The following USP14 variants were observed in gnomAD, a reference collection of about 807,000 sequenced individuals.
The protein encoded by USP14 is ubiquitin specific peptidase 14, also known as ubiquitin carboxyl-terminal hydrolase 14.
A neutral mutation model predicts 76.5 loss-of-function variants in USP14; 38 were observed. The observed-to-expected ratio is 0.50, with a 90% CI of 0.38 to 0.65. The LOEUF (loss-of-function observed/expected upper bound fraction) is 0.65. Ranked by LOEUF, USP14 falls within the 30% of genes least tolerant of loss-of-function variation. The pLI is 0.00. For missense variants in USP14, 467 were observed against 586.5 expected, an observed-to-expected ratio of 0.80 and a Z score of 2.10; for synonymous variants, 192 against 191.7, an observed-to-expected ratio of 1.00 and a Z score of -0.01.
chr18:160,074 C>T (rs375565080), intron 1 of USP14, among the ~76,000 whole-genome samples: 3 of 152,136 alleles, frequency 2.0e-5, no homozygotes, highest in Admixed American at 1.3e-4. Flanking sequence ...AGGCTCGAGG[C>T]GGGCGGATCA....
rs1318112205 is a variant in USP14, at chr18:202,957, A to C, written c.942+12A>C. 1.9e-6 allele frequency: 3 copies of C among 1,613,772 alleles called. No homozygotes were observed. Among genetic ancestry groups the C allele is most frequent in the Non-Finnish European group, 2.5e-6 (3 of 1,179,814 alleles). ...TGTATATCAAATCTGTAAGTTATGC[A>C]GTCCTTTCGAAGCCAAATTCCGCTT... is the stretch of plus-strand genomic sequence containing the variant. On this transcript the variant is annotated intron_variant, in intron 11 of 15. Coordinates refer to ENST00000261601, the MANE Select transcript of USP14 (RefSeq NM_005151.4).
At chr18:167,943 T>TC in intron 3 of USP14, among the ~76,000 whole-genome samples, 1 of 149,312 alleles carries the variant, frequency 6.7e-6, no homozygotes, top group East Asian at 1.9e-4. Flanking sequence ...TCTTTTTTTT[T>TC]TTTTTTTTTT....
rs1910786418 is a variant in USP14 at position 214,420 on chromosome 18, C to T, written c.*3136C>T. The stretch of plus-strand genomic sequence containing the variant: ...AAAATATATTTTGTGATCTTGAGGT[C>T]ACTTCGTTTAGGTCATTATCTCAAC... On this transcript the variant is annotated 3_prime_UTR_variant, in exon 16 of 16. Transcript: ENST00000261601. 2 of 501,374 alleles carry T rather than the reference C, an allele frequency of 4.0e-6. No homozygotes were observed. Among genetic ancestry groups the T allele is most frequent in the South Asian group, 3.4e-5 (1 of 29,276 alleles). 31.1% of individuals were successfully genotyped at this position (501,374 alleles called of 1,614,324 possible). A position where few individuals can be genotyped will look rare whatever the true frequency, so the allele number is the denominator to read the frequency against.
chr18:159,742 A>G (rs903154616), intron 1 of USP14, among the ~76,000 whole-genome samples: 2 of 152,224 alleles, frequency 1.3e-5, no homozygotes, highest in Non-Finnish European at 1.5e-5. Flanking sequence ...TAAACACACC[A>G]GTAGATTCAC....
intron 3 of USP14, among the ~76,000 whole-genome samples, chr18:168,341 G>A (rs1249638512): frequency 2.6e-5 from 4 of 152,146 alleles, no homozygotes; most frequent in African/African-American, 9.7e-5. Flanking sequence ...GTACATAAAC[G>A]TGTTATCTGC....
intron 3 of USP14, among the ~76,000 whole-genome samples, chr18:172,605 A>C (rs1223659582): frequency 6.6e-6 from 1 of 152,112 alleles, no homozygotes; most frequent in East Asian, 1.9e-4. Flanking sequence ...TTAAGCAATT[A>C]CCCAGCCTTC....
At chr18:208,378 G>T (rs1910584067) in intron 13 of USP14, among the ~76,000 whole-genome samples, 2 of 151,986 alleles carry the variant, frequency 1.3e-5, no homozygotes, top group Admixed American at 1.3e-4. Flanking sequence ...TTAGTAATTT[G>T]TGTTTGTCCC....
rs879092317 is a variant in USP14 at position 203,157 on chromosome 18, A to G, written c.1002A>G (p.Lys334=). The G allele has an allele frequency of 1.2e-6, 2 of 1,614,128 alleles. No individual in the cohort carries two copies. The highest frequency in any genetic ancestry group is 1.3e-5 in the African/African-American group (1 of 75,058). The change falls in exon 12 of 16, where the codon AAA becomes AAG. Residue 334 remains lysine (K), a synonymous_variant. Coordinates refer to ENST00000261601, the MANE Select transcript of USP14 (RefSeq NM_005151.4). ...LTIQMVRFFY[K]EKESVNAKVL... ...TTCAGATGGTTCGATTTTTTTATAA[A>G]GAGAAGGAATCTGTGAATGCCAAAG... is the stretch of plus-strand genomic sequence containing the variant.
chr18:163,203 T>C lies in USP14; in HGVS notation c.17-105T>C, dbSNP rs1458058242. 3.9e-6 allele frequency: 4 copies of C among 1,021,524 alleles called. No homozygotes were observed. In the East Asian group the frequency reaches 1.1e-4, roughly 27 times the overall value. 63.3% of individuals were successfully genotyped at this position (1,021,524 alleles called of 1,614,324 possible). ...AGTGTTATGGGCATAGAAAGATGAA[T>C]GACATGTTTTGACTCCCGATAACTG... On this transcript the variant is annotated intron_variant, in intron 1 of 15. Coordinates refer to ENST00000261601, the MANE Select transcript of USP14 (RefSeq NM_005151.4).
chr18:163,347 A>G lies in USP14; in HGVS notation c.56A>G (p.Glu19Gly). ...KWGKEKFEGV[E>G]LNTDEPPMVF... The stretch of plus-strand genomic sequence containing the variant: ...GGAAAGGAGAAATTTGAAGGTGTAG[A>G]ATTGAATACAGATGAACCTCCAATG... The change falls in exon 2 of 16, where the codon GAA becomes GGA. Residue 19 changes from glutamate to glycine, a missense_variant. Coordinates refer to ENST00000261601, the MANE Select transcript of USP14 (RefSeq NM_005151.4). 6.2e-7 allele frequency: 1 copy of G among 1,613,566 alleles called. No homozygotes were observed. The highest frequency in any genetic ancestry group is 8.5e-7 in the Non-Finnish European group (1 of 1,179,744).
intron 5 of USP14, among the ~76,000 whole-genome samples, chr18:184,064 C>T (rs1189090453): frequency 6.6e-6 from 1 of 152,136 alleles, no homozygotes; most frequent in African/African-American, 2.4e-5. Flanking sequence ...TCTGTGTAAG[C>T]AGGGGAGATT....
At chr18:168,388 C>T (rs573805980) in intron 3 of USP14, among the ~76,000 whole-genome samples, 2 of 152,206 alleles carry the variant, frequency 1.3e-5, no homozygotes, top group East Asian at 3.9e-4. Context: ...TTTCAATATT[C>T]GTGACTTTCA....
At chr18:195,503 G>A (rs537723708) in intron 6 of USP14, among the ~76,000 whole-genome samples, 16 of 152,264 alleles carry the variant, frequency 1.1e-4, no homozygotes, top group African/African-American at 3.4e-4. Flanking sequence ...AGGAGGGCAA[G>A]GTATGATCAC....
At chr18:193,450 G>A (rs770749470) in intron 6 of USP14, among the ~76,000 whole-genome samples, 2 of 151,850 alleles carry the variant, frequency 1.3e-5, no homozygotes. Flanking sequence ...TTGATATAGT[G>A]TACATATCAT....
chr18:185,564 T>C (rs2143029329), intron 5 of USP14, among the ~76,000 whole-genome samples: 1 of 152,218 alleles, frequency 6.6e-6, no homozygotes, highest in South Asian at 2.1e-4. Flanking sequence ...AAGCCCCATA[T>C]CTCATCTCAC....
chr18:194,937 C>A (rs1392006343), intron 6 of USP14, among the ~76,000 whole-genome samples: 1 of 152,010 alleles, frequency 6.6e-6, no homozygotes, highest in Non-Finnish European at 1.5e-5. Context: ...TCTCAAAAAA[C>A]AAACTTTTTT....
chr18:180,333 T>A lies in USP14; in HGVS notation c.398T>A (p.Leu133His). 1 of 1,590,040 alleles carries A rather than the reference T, an allele frequency of 6.3e-7. No individual in the cohort carries two copies. Among genetic ancestry groups the A allele is most frequent in the Non-Finnish European group, 8.5e-7 (1 of 1,172,828 alleles). ...IRSVPELKDA[L>H]KRYAGALRAS... ...TCTGTGCCTGAACTCAAAGATGCCC[T>A]TAAAAGGTAAGACTGCAGTCTTTTT... is the stretch of plus-strand genomic sequence containing the variant. The change falls in exon 5 of 16, where the codon CTT becomes CAT. Residue 133 changes from leucine (L) to histidine (H), a missense_variant. By Grantham distance (99) the Leu-to-His change is moderately conservative (BLOSUM62 -3). Transcript: ENST00000261601.
intron 6 of USP14, among the ~76,000 whole-genome samples, chr18:193,205 TATC>T (rs770086365): frequency 2.1e-4 from 32 of 152,224 alleles, no homozygotes; most frequent in Non-Finnish European, 3.2e-4. Context: ...CGACGGGTTT[TATC>T]ATAATCCATG....
intron 2 of USP14, 110 bp downstream of exon 2, chr18:163,563 A>G (rs767350222): frequency 3.8e-4 from 464 of 1,233,832 alleles, no homozygotes; most frequent in Non-Finnish European, 4.9e-4. Flanking sequence ...CTTTTTTTAT[A>G]TGATGAGAGT....
Sources: gnomAD v4.1 joint callset for allele counts (sites outside exome capture counted in the v4.1 genomes callset) on GRCh38, gnomAD v4.1.1 for gene constraint, MANE v1.5 for transcripts, NCBI Gene and HGNC (gene_info 2026-07-23, HGNC 2026-07-21) for gene names.